HPSE2: variants seen among roughly 807,000 people sequenced by gnomAD.
The protein encoded by HPSE2 is inactive heparanase-2.
HPSE2 carries 38 observed loss-of-function variants against 60.5 expected under a neutral mutation model. The observed-to-expected ratio is 0.63, with a 90% CI of 0.48 to 0.82. The LOEUF (loss-of-function observed/expected upper bound fraction) is 0.82. Among genes scored for constraint, HPSE2 ranks in the 40% least tolerant of loss-of-function variants. The pLI, the probability that HPSE2 is intolerant of heterozygous loss-of-function variation, is 0.00. For missense variants in HPSE2, 713 were observed against 740.4 expected (o/e 0.96, Z 0.43); for synonymous variants, 295 against 293.2 (o/e 1.01, Z -0.06).
chr10:99,199,285 T>C (rs888254127), intron 2 of HPSE2, among the ~76,000 whole-genome samples: 1 of 152,092 alleles, frequency 6.6e-6, no homozygotes, highest in Non-Finnish European at 1.5e-5. Context: ...TACATTTCCA[T>C]TGATAGTATA....
At chr10:98,674,888 C>T (rs986608079) in intron 6 of HPSE2, among the ~76,000 whole-genome samples, 5 of 152,132 alleles carry the variant, frequency 3.3e-5, no homozygotes, top group Non-Finnish European at 5.9e-5. Flanking sequence ...CACCAGTGCA[C>T]TCCACCCTGG....
intron 3 of HPSE2, among the ~76,000 whole-genome samples, chr10:98,886,714 A>G (rs1268890125): frequency 6.6e-6 from 1 of 152,132 alleles, no homozygotes; most frequent in African/African-American, 2.4e-5. Flanking sequence ...TAAGCTAATC[A>G]GTAGTGGAGA....
chr10:99,172,834 C>T lies in HPSE2; in HGVS notation c.449-28435G>A, dbSNP rs571612222. ...CGGAGGTTACAGTGAGCCAAGATTG[C>T]GCCACTGCACTCCAGCCTAAGCAAG... is the stretch of plus-strand genomic sequence containing the variant. On this transcript the variant is annotated intron_variant, in intron 2 of 11. Coordinates refer to ENST00000370552, the MANE Select transcript of HPSE2 (RefSeq NM_021828.5). 4.6e-5 allele frequency among the ~76,000 whole-genome samples: 7 copies of T among 152,062 alleles called. No individual in the cohort carries two copies. The South Asian group carries it at 6.2e-4, about 14-fold the overall frequency.
chr10:98,820,324 A>G (rs1034354615), intron 3 of HPSE2, among the ~76,000 whole-genome samples: 1 of 152,152 alleles, frequency 6.6e-6, no homozygotes, highest in Non-Finnish European at 1.5e-5. Flanking sequence ...GGGAAAGACT[A>G]TAATTTACCC....
chr10:98,884,460 G>C (rs567969104), intron 3 of HPSE2, among the ~76,000 whole-genome samples: 2 of 152,226 alleles, frequency 1.3e-5, no homozygotes, highest in Admixed American at 1.3e-4. Flanking sequence ...AGCTTCAAAG[G>C]ATAGGCTGAT....
At chr10:99,157,625 A>G (rs1405518016) in intron 2 of HPSE2, among the ~76,000 whole-genome samples, 8 of 146,500 alleles carry the variant, frequency 5.5e-5, no homozygotes, top group African/African-American at 2.0e-4. Context: ...AGACTTAAAC[A>G]TTAGACCTAA....
At chr10:98,933,676 C>G (rs1273308656) in intron 3 of HPSE2, among the ~76,000 whole-genome samples, 2 of 143,100 alleles carry the variant, frequency 1.4e-5, no homozygotes, top group East Asian at 3.9e-4. Flanking sequence ...GTTAGCTCTT[C>G]GTGTTGAATT....
At chr10:99,164,758 C>T (rs112907132) in intron 2 of HPSE2, among the ~76,000 whole-genome samples, 4 of 152,174 alleles carry the variant, frequency 2.6e-5, no homozygotes, top group Admixed American at 6.5e-5. Context: ...GGCGCAGTGG[C>T]GCATGCCTGT....
At chr10:98,945,687 C>T (rs1437313190) in intron 3 of HPSE2, among the ~76,000 whole-genome samples, 1 of 152,112 alleles carries the variant, frequency 6.6e-6, no homozygotes, top group Non-Finnish European at 1.5e-5. Context: ...TGCAAAAGTG[C>T]ATTAAGTAAA....
At chr10:98,506,560 C>T (rs1429512925) in intron 9 of HPSE2, among the ~76,000 whole-genome samples, 1 of 152,132 alleles carries the variant, frequency 6.6e-6, no homozygotes, top group African/African-American at 2.4e-5. Flanking sequence ...GATCCTCCTG[C>T]CTCAGGTTCC....
chr10:98,605,004 G>A (rs976335438), intron 9 of HPSE2, among the ~76,000 whole-genome samples: 22 of 152,100 alleles, frequency 1.4e-4, no homozygotes, highest in Middle Eastern at 3.2e-3. Flanking sequence ...GGTGCCCTGG[G>A]GTAAGGAGCC....
chr10:99,146,326 C>T (rs983656044), intron 2 of HPSE2, among the ~76,000 whole-genome samples: 2 of 152,140 alleles, frequency 1.3e-5, no homozygotes, highest in African/African-American at 4.8e-5. Flanking sequence ...GACTGAAAAA[C>T]TACACTATAC....
At chr10:98,612,723 T>C (rs1295491011) in intron 9 of HPSE2, among the ~76,000 whole-genome samples, 1 of 152,254 alleles carries the variant, frequency 6.6e-6, no homozygotes, top group Non-Finnish European at 1.5e-5. Context: ...CTGTACATTG[T>C]TAAGTATTAT....
chr10:98,658,501 C>T (rs556610989), intron 6 of HPSE2, among the ~76,000 whole-genome samples: 2 of 151,842 alleles, frequency 1.3e-5, no homozygotes, highest in Non-Finnish European at 1.5e-5. Flanking sequence ...TCTCTCAGTT[C>T]GTGACTTGAT....
At chr10:98,528,064 C>CA in intron 9 of HPSE2, among the ~76,000 whole-genome samples, 1 of 152,024 alleles carries the variant, frequency 6.6e-6, no homozygotes, top group Non-Finnish European at 1.5e-5. Flanking sequence ...TTTGAAAAAA[C>CA]TTTTTTTTCT....
At chr10:98,822,428 A>C (rs1202285072) in intron 3 of HPSE2, among the ~76,000 whole-genome samples, 1 of 152,210 alleles carries the variant, frequency 6.6e-6, no homozygotes, top group Non-Finnish European at 1.5e-5. Flanking sequence ...TTCAAGAATA[A>C]TCACTAAAAA....
At chr10:98,570,623 G>C (rs1386894692) in intron 9 of HPSE2, among the ~76,000 whole-genome samples, 5 of 151,816 alleles carry the variant, frequency 3.3e-5, no homozygotes, top group African/African-American at 1.2e-4. Flanking sequence ...ACATTGCTTT[G>C]TCTGCTCAGA....
chr10:99,167,393 G>C (rs1420694594), intron 2 of HPSE2, among the ~76,000 whole-genome samples: 3 of 152,158 alleles, frequency 2.0e-5, no homozygotes, highest in Non-Finnish European at 4.4e-5. Flanking sequence ...AGTTTTATAA[G>C]TGTTGTGTTT....
In HPSE2 at chr10:98,646,890, A is replaced by G. The variant is rs576807239; in HGVS notation, c.1005-4950T>C. Among the ~76,000 whole-genome samples the G allele has an allele frequency of 1.1e-4, 17 of 152,366 alleles. No individual in the cohort carries two copies. The South Asian group carries it at 3.5e-3, about 32-fold the overall frequency. Reference sequence around the variant, plus strand: ...CTACAGTATAATAAGCACAACACCTAGAGAAGCTCATTGCAACATTTTGCT... The same window carrying G: ...CTACAGTATAATAAGCACAACACCTGGAGAAGCTCATTGCAACATTTTGCT... On this transcript the variant is annotated intron_variant, in intron 6 of 11. Coordinates refer to ENST00000370552, the MANE Select transcript of HPSE2 (RefSeq NM_021828.5).
Sources: allele counts gnomAD v4.1 joint callset (sites outside exome capture counted in the v4.1 genomes callset), GRCh38; gene constraint gnomAD v4.1.1; transcripts MANE v1.5; gene names NCBI Gene and HGNC (gene_info 2026-07-23, HGNC 2026-07-21).